Variants in LRRC4C observed in about 807,000 individuals in gnomAD.
LRRC4C encodes the protein leucine-rich repeat-containing protein 4C.
A neutral mutation model predicts 33.6 loss-of-function variants in LRRC4C; 5 were observed. That is an observed-to-expected ratio of 0.15 (90% CI 0.08 to 0.31). The LOEUF (loss-of-function observed/expected upper bound fraction) is 0.31. Among genes scored for constraint, LRRC4C ranks in the 10% least tolerant of loss-of-function variants. LRRC4C has a pLI of 1.00. For synonymous variants in LRRC4C, 329 were observed against 302.0 expected, an observed-to-expected ratio of 1.09 and a Z score of -0.93; for missense variants, 560 against 796.7, an observed-to-expected ratio of 0.70 and a Z score of 3.58.
chr11:40,154,243 C>T (rs184849743), intron 5 of LRRC4C, among the ~76,000 whole-genome samples: 10 of 148,026 alleles, frequency 6.8e-5, no homozygotes, highest in Admixed American at 1.4e-4. Context: ...TGAATGAATT[C>T]GCCATTACCA....
At position 40,554,815 on chromosome 11, in the gene LRRC4C, G is replaced by A. The variant is rs1957270264; in HGVS notation, c.-270+93327C>T. The stretch of plus-strand genomic sequence containing the variant: ...CGGCTCACTGCAAGCTCCGCCTCCC[G>A]GGTTCACGCCATTCTCCTGCCTCAG... On this transcript the variant is annotated intron_variant, in intron 3 of 6. Coordinates refer to ENST00000528697, the MANE Select transcript of LRRC4C (RefSeq NM_001258419.2). Among the ~76,000 whole-genome samples, 3 of 137,456 alleles carry A rather than the reference G, an allele frequency of 2.2e-5. No individual in the cohort carries two copies. The Admixed American group carries it at 2.2e-4, about 10-fold the overall frequency. 90.2% of individuals were successfully genotyped at this position (137,456 alleles called of 152,430 possible). A position where few individuals can be genotyped will look rare whatever the true frequency, so the allele number is the denominator to read the frequency against.
At chr11:40,518,710 G>GAAC (rs1381455292) in intron 3 of LRRC4C, among the ~76,000 whole-genome samples, 2 of 152,108 alleles carry the variant, frequency 1.3e-5, no homozygotes, top group Non-Finnish European at 2.9e-5. Context: ...CAAGGATCTA[G>GAAC]AACTAGAAAT....
intron 3 of LRRC4C, among the ~76,000 whole-genome samples, chr11:40,398,002 T>C (rs1029635616): frequency 6.6e-6 from 1 of 152,064 alleles, no homozygotes; most frequent in Admixed American, 6.6e-5. Flanking sequence ...GTATATAGAT[T>C]TAATTGTAAG....
intron 1 of LRRC4C, among the ~76,000 whole-genome samples, chr11:41,125,847 T>C (rs1405195970): frequency 1.3e-5 from 2 of 152,184 alleles, no homozygotes; most frequent in African/African-American, 4.8e-5. Context: ...AAAAGACCAT[T>C]ACATACAGTA....
chr11:40,413,118 C>A (rs976647644), intron 3 of LRRC4C, among the ~76,000 whole-genome samples: 1 of 151,960 alleles, frequency 6.6e-6, no homozygotes, highest in East Asian at 1.9e-4. Flanking sequence ...CTTGGAGGAA[C>A]TTGAAATCTA....
intron 2 of LRRC4C, among the ~76,000 whole-genome samples, chr11:40,662,671 G>T (rs1490526792): frequency 6.6e-6 from 1 of 152,182 alleles, no homozygotes; most frequent in Non-Finnish European, 1.5e-5. Context: ...TGCAGTAGTG[G>T]TATTCTGGTG....
At chr11:41,426,675 C>A (rs765763795) in intron 1 of LRRC4C, among the ~76,000 whole-genome samples, 1 of 152,172 alleles carries the variant, frequency 6.6e-6, no homozygotes, top group African/African-American at 2.4e-5. Context: ...ATATAGCAAA[C>A]CACACTGAAA....
intron 3 of LRRC4C, among the ~76,000 whole-genome samples, chr11:40,434,500 G>A (rs1407548119): frequency 6.6e-6 from 1 of 152,204 alleles, no homozygotes; most frequent in Non-Finnish European, 1.5e-5. Flanking sequence ...TGCTCAGCAA[G>A]TAGAAAGGCC....
chr11:40,208,620 G>T (rs1369580252), intron 5 of LRRC4C, among the ~76,000 whole-genome samples: 1 of 152,078 alleles, frequency 6.6e-6, no homozygotes. Flanking sequence ...CCAATGTCTG[G>T]TGCTTATATA....
intron 5 of LRRC4C, among the ~76,000 whole-genome samples, chr11:40,217,612 TG>T (rs1864070072): frequency 6.6e-6 from 1 of 152,152 alleles, no homozygotes; most frequent in South Asian, 2.1e-4. Context: ...ATGCATAGTA[TG>T]TATGTATAAA....
intron 1 of LRRC4C, among the ~76,000 whole-genome samples, chr11:41,249,354 T>C (rs2136628828): frequency 1.3e-5 from 2 of 152,262 alleles, no homozygotes; most frequent in East Asian, 1.9e-4. Context: ...CTTCTTATAC[T>C]TGGATTCTTG....
At chr11:41,167,616 C>T (rs1335618817) in intron 1 of LRRC4C, among the ~76,000 whole-genome samples, 2 of 152,144 alleles carry the variant, frequency 1.3e-5, no homozygotes, top group Admixed American at 1.3e-4. Flanking sequence ...CTTGCACTCA[C>T]ATCTAATTAA....
At chr11:40,162,532 T>C (rs953780915) in intron 5 of LRRC4C, among the ~76,000 whole-genome samples, 1 of 152,158 alleles carries the variant, frequency 6.6e-6, no homozygotes, top group African/African-American at 2.4e-5. Context: ...GGGAGATCAC[T>C]CTGCAACTTT....
chr11:41,182,203 T>C (rs1945483966), intron 1 of LRRC4C, among the ~76,000 whole-genome samples: 1 of 152,206 alleles, frequency 6.6e-6, no homozygotes, highest in Non-Finnish European at 1.5e-5. Flanking sequence ...ACCATTTATA[T>C]GCTCCAGCTG....
chr11:40,186,655 G>A (rs569195725), intron 5 of LRRC4C, among the ~76,000 whole-genome samples: 7 of 152,176 alleles, frequency 4.6e-5, no homozygotes, highest in East Asian at 3.9e-4. Flanking sequence ...ATCTTTGCTC[G>A]GCCAGTAGCA....
At position 40,887,833 on chromosome 11, in the gene LRRC4C, G is replaced by T. The variant is rs568138589; in HGVS notation, c.-407+45802C>A. ...TGTAAATATTTTTATAGCTTTGTTT[G>T]CATTCTATATCCTTGTGGCTCTTTA... On this transcript the variant is annotated intron_variant, in intron 2 of 6. Coordinates refer to ENST00000528697, the MANE Select transcript of LRRC4C (RefSeq NM_001258419.2). Among the ~76,000 whole-genome samples the T allele has an allele frequency of 8.6e-5, 13 of 151,962 alleles. No individual in the cohort carries two copies. The South Asian group carries it at 2.3e-3, about 27-fold the overall frequency.
At chr11:41,021,134 A>G (rs1855933375) in intron 1 of LRRC4C, among the ~76,000 whole-genome samples, 1 of 146,606 alleles carries the variant, frequency 6.8e-6, no homozygotes, top group African/African-American at 2.6e-5. Flanking sequence ...AGTCCCTGTT[A>G]TTTTGTTCCC....
At chr11:41,086,890 T>G (rs1395131511) in intron 1 of LRRC4C, among the ~76,000 whole-genome samples, 1 of 142,082 alleles carries the variant, frequency 7.0e-6, no homozygotes, top group Non-Finnish European at 1.5e-5. Flanking sequence ...ATATGAGTCT[T>G]TTTTTTTTTT....
intron 1 of LRRC4C, among the ~76,000 whole-genome samples, chr11:41,246,778 G>A (rs184075404): frequency 0.011 from 1,632 of 152,296 alleles, 40 homozygotes; most frequent in Admixed American, 0.054. Flanking sequence ...GAAGCTGAGA[G>A]GGTTTACCCA....
Sources: allele counts gnomAD v4.1 joint callset (sites outside exome capture counted in the v4.1 genomes callset), GRCh38; gene constraint gnomAD v4.1.1; transcripts MANE v1.5; gene names NCBI Gene and HGNC (gene_info 2026-07-23, HGNC 2026-07-21).